CD44: variants seen among roughly 807,000 people sequenced by gnomAD.
CD44 encodes the protein CD44 antigen.
Under a neutral mutation model 88.8 loss-of-function variants are expected in CD44, and 49 were observed. The observed-to-expected ratio is 0.55, with a 90% CI of 0.44 to 0.70. The LOEUF (loss-of-function observed/expected upper bound fraction) is 0.70. Ranked by LOEUF, CD44 falls within the 30% of genes least tolerant of loss-of-function variation. The pLI is 0.00. For missense variants in CD44, 883 were observed against 913.8 expected (o/e 0.97, Z 0.43); for synonymous variants, 325 against 312.3 (o/e 1.04, Z -0.43).
At chr11:35,210,122 A>T in intron 13 of CD44, 68 bp downstream of exon 13, 1 of 889,366 alleles carries the variant, frequency 1.1e-6, no homozygotes, top group East Asian at 2.8e-5. Context: ...GTACTTTTGC[A>T]GTGTCTTTGG....
At position 35,159,182 on chromosome 11, in the gene CD44, C is replaced by T. The variant is rs750911759; in HGVS notation, c.68-17393C>T. ...GAATTTCTTGGTTGCCAATGAGGTG[C>T]CAGCTTCTGAGTGCATAAAGTGTGT... On this transcript the variant is annotated intron_variant, in intron 1 of 17. Coordinates refer to ENST00000428726, the MANE Select transcript of CD44 (RefSeq NM_000610.4). Among the ~76,000 whole-genome samples, 104 of 152,200 alleles carry T rather than the reference C, an allele frequency of 6.8e-4. 1 individual carries two copies. Among genetic ancestry groups the T allele is most frequent in the South Asian group, 4.1e-4 (2 of 4,828 alleles).
At chr11:35,223,338 C>G in intron 17 of CD44, 1 of 958,298 alleles carries the variant, frequency 1.0e-6, no homozygotes, top group Non-Finnish European at 1.2e-6. Flanking sequence ...GCAATCAGCC[C>G]TTTATTGCCA....
intron 3 of CD44, among the ~76,000 whole-genome samples, 180 bp downstream of exon 3, chr11:35,180,587 A>G (rs1181694829): frequency 1.3e-5 from 2 of 152,210 alleles, no homozygotes; most frequent in African/African-American, 4.8e-5. Context: ...GGGGAGGCAA[A>G]CAATAAACAA....
rs147714807 is a variant in CD44, at chr11:35,143,639, G to A, written c.67+4269G>A. On this transcript the variant is annotated intron_variant, in intron 1 of 17. Coordinates refer to ENST00000428726, the MANE Select transcript of CD44 (RefSeq NM_000610.4). ...TATACGTGGCTCTCCCACACTACCT[G>A]TCCCCTGTGGCCAGCATAAGTGAAC... Among the ~76,000 whole-genome samples the A allele has an allele frequency of 2.1e-3, 315 of 152,148 alleles. 2 individuals are homozygous for A. The highest frequency in any genetic ancestry group is 3.6e-3 in the Non-Finnish European group (243 of 68,014).
chr11:35,232,241 T>C lies in CD44; in HGVS notation c.*2908T>C, dbSNP rs891894624. The C allele has an allele frequency of 2.6e-5, 4 of 152,668 alleles. No homozygotes were observed. The highest frequency in any genetic ancestry group is 9.6e-5 in the African/African-American group (4 of 41,452). The allele number at this position is 152,668 out of a possible 1,614,324, so 9.5% of individuals were successfully genotyped here. A position where few individuals can be genotyped will look rare whatever the true frequency, so the allele number is the denominator to read the frequency against. ...TTCTTGTGCTGTACAATGACCACTG[T>C]TATTGTTACTTTGACTTTTCAGAGC... On this transcript the variant is annotated 3_prime_UTR_variant, in exon 18 of 18. Coordinates refer to ENST00000428726, the MANE Select transcript of CD44 (RefSeq NM_000610.4).
chr11:35,197,810 T>C (rs1294799032), intron 6 of CD44: 11 of 248,708 alleles, frequency 4.4e-5, no homozygotes, highest in African/African-American at 1.6e-4. Flanking sequence ...GAGTTAATAA[T>C]AAACATATCT....
At chr11:35,169,095 C>A (rs563683552) in intron 1 of CD44, among the ~76,000 whole-genome samples, 6 of 152,148 alleles carry the variant, frequency 3.9e-5, no homozygotes, top group Admixed American at 2.6e-4. Flanking sequence ...GGAAAGGAAC[C>A]TGATAGGTGA....
At chr11:35,192,809 T>G (rs1419398141) in intron 5 of CD44, among the ~76,000 whole-genome samples, 1 of 129,188 alleles carries the variant, frequency 7.7e-6, no homozygotes, top group Non-Finnish European at 1.7e-5. Flanking sequence ...TTTTTTTTTT[T>G]TCAGATCTGG....
At chr11:35,196,022 A>T (rs1252415379) in intron 5 of CD44, among the ~76,000 whole-genome samples, 1 of 152,148 alleles carries the variant, frequency 6.6e-6, no homozygotes, top group Non-Finnish European at 1.5e-5. Flanking sequence ...TGGCAGAAAT[A>T]TCATATCCTA....
At chr11:35,161,064 A>T (rs1288668455) in intron 1 of CD44, among the ~76,000 whole-genome samples, 1 of 152,224 alleles carries the variant, frequency 6.6e-6, no homozygotes, top group Non-Finnish European at 1.5e-5. Flanking sequence ...GTAACCAAGG[A>T]TACTGAAAGT....
At chr11:35,156,979 A>G (rs1212660412) in intron 1 of CD44, among the ~76,000 whole-genome samples, 2 of 152,140 alleles carry the variant, frequency 1.3e-5, no homozygotes, top group Non-Finnish European at 2.9e-5. Flanking sequence ...GGTTACACTG[A>G]GCTAAGATTG....
chr11:35,218,439 C>T (rs1354156767), intron 15 of CD44, among the ~76,000 whole-genome samples: 2 of 152,184 alleles, frequency 1.3e-5, no homozygotes, highest in African/African-American at 4.8e-5. Flanking sequence ...AGCAATTCTC[C>T]TGCCTCAGCC....
At chr11:35,188,763 C>G (rs1945966041) in intron 4 of CD44, among the ~76,000 whole-genome samples, 1 of 151,852 alleles carries the variant, frequency 6.6e-6, no homozygotes, top group African/African-American at 2.4e-5. Flanking sequence ...CACGGTAAAA[C>G]CCCGTGTCAA....
intron 1 of CD44, among the ~76,000 whole-genome samples, chr11:35,172,940 C>T (rs539331108): frequency 6.6e-6 from 1 of 152,092 alleles, no homozygotes; most frequent in East Asian, 1.9e-4. Flanking sequence ...GACACACTCA[C>T]ACAATGGATG....
chr11:35,164,590 C>A (rs1943047177), intron 1 of CD44, among the ~76,000 whole-genome samples: 1 of 152,196 alleles, frequency 6.6e-6, no homozygotes, highest in South Asian at 2.1e-4. Context: ...TCTTCAAAGA[C>A]AACAAGTCTT....
chr11:35,191,478 G>C (rs1052417361), intron 5 of CD44, among the ~76,000 whole-genome samples: 9 of 152,168 alleles, frequency 5.9e-5, no homozygotes, highest in Non-Finnish European at 1.2e-4. Context: ...CTTGAGAGAG[G>C]CTTCTGCAAA....
chr11:35,229,162 T>C lies in CD44; in HGVS notation c.2058T>C (p.Ser686=). 6.2e-7 allele frequency: 1 copy of C among 1,613,988 alleles called. No individual in the cohort carries two copies. The highest frequency in any genetic ancestry group is 1.3e-5 in the African/African-American group (1 of 74,996). The change falls in exon 18 of 18, where the codon AGT becomes AGC. Residue 686 remains serine, a synonymous_variant. Transcript: ENST00000428726. The part of the protein sequence containing the change: ...CGQKKKLVIN[S]GNGAVEDRKP... ...AGAAGAAAAAGCTAGTGATCAACAG[T>C]GGCAATGGAGCTGTGGAGGACAGAA...
chr11:35,185,271 AT>A (rs562223935), intron 3 of CD44, among the ~76,000 whole-genome samples: 180 of 152,300 alleles, frequency 1.2e-3, no homozygotes, highest in African/African-American at 4.1e-3. Context: ...AATCTGAGAA[AT>A]CTTTTAGGAC....
chr11:35,203,045 A>G (rs997515561), intron 9 of CD44, among the ~76,000 whole-genome samples: 4 of 152,208 alleles, frequency 2.6e-5, no homozygotes, highest in East Asian at 1.9e-4. Context: ...GAAAATTCAG[A>G]CAGAATGTAA....
Sources: allele counts gnomAD v4.1 joint callset (sites outside exome capture counted in the v4.1 genomes callset), GRCh38; gene constraint gnomAD v4.1.1; transcripts MANE v1.5; gene names NCBI Gene and HGNC (gene_info 2026-07-23, HGNC 2026-07-21).